SLC26A8: variants seen among roughly 807,000 people sequenced by gnomAD.
The protein encoded by SLC26A8 is testis anion transporter 1.
SLC26A8 carries 70 observed loss-of-function variants against 105.0 expected under a neutral mutation model. The ratio of observed to expected loss-of-function variants is 0.67; its 90% CI spans 0.55 to 0.81. The LOEUF (loss-of-function observed/expected upper bound fraction) is 0.81. Ranked by LOEUF, SLC26A8 falls within the 40% of genes least tolerant of loss-of-function variation. The probability of loss-of-function intolerance (pLI) is 0.00; values close to 1 mark genes in which losing one functional copy is unlikely to be tolerated. For synonymous variants in SLC26A8, 415 were observed against 438.3 expected (o/e 0.95, Z 0.66); for missense variants, 998 against 1,181.8 (o/e 0.84, Z 2.28).
chr6:35,966,728 T>G (rs1484911124), intron 11 of SLC26A8, among the ~76,000 whole-genome samples: 1 of 152,198 alleles, frequency 6.6e-6, no homozygotes, highest in Non-Finnish European at 1.5e-5. Context: ...TATAGCTTAG[T>G]ACTCATAGAA....
chr6:36,017,805 C>T (rs1472170765), intron 2 of SLC26A8, among the ~76,000 whole-genome samples: 1 of 152,072 alleles, frequency 6.6e-6, no homozygotes, highest in African/African-American at 2.4e-5. Flanking sequence ...ACATGAAGAA[C>T]TCCTATAACT....
At chr6:35,998,104 C>G (rs978430104) in intron 4 of SLC26A8, among the ~76,000 whole-genome samples, 185 bp from the exon 5 acceptor site, 2 of 152,176 alleles carry the variant, frequency 1.3e-5, no homozygotes, top group Non-Finnish European at 2.9e-5. Context: ...TTGTGACCAA[C>G]TCATGGGATT....
At chr6:35,953,367 A>G (rs577964807) in intron 17 of SLC26A8, among the ~76,000 whole-genome samples, 2 of 150,534 alleles carry the variant, frequency 1.3e-5, no homozygotes, top group South Asian at 2.1e-4. Context: ...AAAGTATGAT[A>G]TAAAGTCAGA....
At position 36,024,519 on chromosome 6, in the gene SLC26A8, G is replaced by A. The variant is rs1444399693; in HGVS notation, c.-18C>T. On this transcript the variant is annotated 5_prime_UTR_variant, in exon 1 of 20. Coordinates refer to ENST00000490799, the MANE Select transcript of SLC26A8 (RefSeq NM_052961.4). ...AGCGGCTCACCTGGCTCCTTGGCGG[G>A]GGCGGGAGTGCGGGCGCTGGGATCC... 6 of 435,408 alleles carry A rather than the reference G, an allele frequency of 1.4e-5. No homozygotes were observed. The highest frequency in any genetic ancestry group is 2.7e-5 in the Non-Finnish European group (6 of 218,870). The allele number at this position is 435,408 out of a possible 1,614,324, so 27.0% of individuals were successfully genotyped here.
At chr6:36,022,867 T>C (rs1014311761) in intron 1 of SLC26A8, among the ~76,000 whole-genome samples, 6 of 151,236 alleles carry the variant, frequency 4.0e-5, no homozygotes, top group African/African-American at 1.5e-4. Flanking sequence ...CAGAAACTCC[T>C]ACTGTTGAGT....
intron 14 of SLC26A8, chr6:35,960,601 A>T: frequency 4.6e-6 from 2 of 434,474 alleles, no homozygotes; most frequent in Non-Finnish European, 8.1e-6. Flanking sequence ...GGTTGCAGTA[A>T]GCCAAGATCA....
chr6:36,000,889 TAACCC>T (rs910381372), intron 3 of SLC26A8, among the ~76,000 whole-genome samples: 38 of 152,214 alleles, frequency 2.5e-4, no homozygotes, highest in Non-Finnish European at 5.4e-4. Flanking sequence ...CAACAATGGT[TAACCC>T]ATAACCAATC....
Position 35,981,554 on chromosome 6 carries a change from AGGAG to A in SLC26A8, c.1025+563_1025+566del, listed in dbSNP as rs1773266799. 6.6e-6 allele frequency among the ~76,000 whole-genome samples: 1 copy of A among 152,336 alleles called. No homozygotes were observed. Among genetic ancestry groups the A allele is most frequent in the East Asian group, 1.9e-4 (1 of 5,182 alleles). On this transcript the variant is annotated intron_variant, in intron 8 of 19. Transcript: ENST00000490799. This position sits in a 1 kb window ranked among gnomAD's most constrained non-coding sequence, Gnocchi z 4.0. ...GTAGTCCCAACTACTCAGAGAGCTG[AGGAG>A]GGAGGATCACTTGAGCCTGAGAATT...
chr6:36,019,380 A>T, intron 2 of SLC26A8, 140 bp downstream of exon 2: 1 of 915,020 alleles, frequency 1.1e-6, no homozygotes, highest in Non-Finnish European at 1.6e-6. Context: ...CACAAAAATG[A>T]CTGAAGAAAA....
intron 11 of SLC26A8, among the ~76,000 whole-genome samples, chr6:35,965,932 A>C (rs1772499199): frequency 6.7e-6 from 1 of 150,336 alleles, no homozygotes; most frequent in South Asian, 2.1e-4. Context: ...CAGAGGTTGA[A>C]GTGAGCTGAG....
At chr6:35,975,332 G>T (rs1271266299) in intron 10 of SLC26A8, 43 bp downstream of exon 10, 4 of 1,113,376 alleles carry the variant, frequency 3.6e-6, no homozygotes, top group Non-Finnish European at 5.4e-6. Context: ...GAATTGATAT[G>T]AATATGTTTA....
intron 3 of SLC26A8, among the ~76,000 whole-genome samples, chr6:36,002,113 T>G (rs1210780774): frequency 6.6e-6 from 1 of 152,228 alleles, no homozygotes; most frequent in Non-Finnish European, 1.5e-5. Context: ...TGCAAGGCTC[T>G]ATTGATTGCA....
intron 2 of SLC26A8, among the ~76,000 whole-genome samples, chr6:36,014,088 C>G (rs529696306): frequency 2.9e-4 from 44 of 152,300 alleles, no homozygotes; most frequent in African/African-American, 1.0e-3. Context: ...CATTGCTGTT[C>G]TTAGGAGAGT....
chr6:35,959,833 G>T, intron 14 of SLC26A8, 27 bp from the exon 15 acceptor site: 8 of 1,121,056 alleles, frequency 7.1e-6, no homozygotes, highest in Admixed American at 5.7e-5. Flanking sequence ...GAAGTTGAGG[G>T]AAATTTCTCA....
intron 11 of SLC26A8, 108 bp from the exon 12 acceptor site, chr6:35,962,729 G>T: frequency 1.1e-6 from 1 of 929,680 alleles, no homozygotes; most frequent in Non-Finnish European, 1.7e-6. Context: ...GAGATATTTT[G>T]CATTGATATT....
At chr6:36,015,106 C>CT (rs771966624) in intron 2 of SLC26A8, among the ~76,000 whole-genome samples, 2,269 of 127,000 alleles carry the variant, frequency 0.018, 25 homozygotes, top group African/African-American at 0.021. Flanking sequence ...CAAAATTGTG[C>CT]TTTTTTTTTT....
chr6:35,944,555 AT>A (rs1228829049), intron 19 of SLC26A8, among the ~76,000 whole-genome samples: 1 of 148,936 alleles, frequency 6.7e-6, no homozygotes, highest in Non-Finnish European at 1.5e-5. Flanking sequence ...AATAATTATT[AT>A]TATTTTAAAA....
intron 3 of SLC26A8, among the ~76,000 whole-genome samples, chr6:36,000,601 ATACT>A (rs1307166828): frequency 2.0e-5 from 3 of 152,182 alleles, no homozygotes; most frequent in African/African-American, 4.8e-5. Flanking sequence ...TGCTTCTCTA[ATACT>A]TACTTTCTTT....
chr6:35,993,158 T>A (rs1312312155), intron 5 of SLC26A8, among the ~76,000 whole-genome samples: 2,409 of 9,940 alleles, frequency 0.24, 75 homozygotes, highest in East Asian at 0.39. Flanking sequence ...CACTGGGCAT[T>A]TTTTTTTTTT....
Sources: gnomAD v4.1 joint callset for allele counts (sites outside exome capture counted in the v4.1 genomes callset) on GRCh38, gnomAD v4.1.1 for gene constraint, Gnocchi (gnomAD v3.1) non-coding constraint, MANE v1.5 for transcripts, NCBI Gene and HGNC (gene_info 2026-07-23, HGNC 2026-07-21) for gene names.